The following TUBGCP5 variants were observed in gnomAD, a reference collection of about 807,000 sequenced individuals.
The protein encoded by TUBGCP5 is gamma-tubulin complex component 5.
In TUBGCP5, 98 loss-of-function variants were observed where a neutral mutation model predicts 134.7. The observed-to-expected ratio is 0.73, with a 90% confidence interval of 0.62 to 0.86. The LOEUF (loss-of-function observed/expected upper bound fraction) is 0.86. Among genes scored for constraint, TUBGCP5 ranks in the 40% least tolerant of loss-of-function variants. TUBGCP5 has a pLI of 0.00. For synonymous variants in TUBGCP5, 456 were observed against 431.4 expected, an observed-to-expected ratio of 1.06 and a Z score of -0.71; for missense variants, 1,150 against 1,244.8, an observed-to-expected ratio of 0.92 and a Z score of 1.15.
rs774369754 is a variant in TUBGCP5, at chr15:23,027,291, C to T, written c.638G>A (p.Arg213Gln). 1.9e-6 allele frequency: 3 copies of T among 1,613,646 alleles called. No homozygotes were observed. Among genetic ancestry groups the T allele is most frequent in the African/African-American group, 1.3e-5 (1 of 75,006 alleles). ...GACCACATGATGTTCCAGCCAGCTTCGGTCATCTGGCTCATCTGCTTGAAA... is the reference window on the plus strand; with the variant it reads ...GACCACATGATGTTCCAGCCAGCTTTGGTCATCTGGCTCATCTGCTTGAAA... ...CISWKDEPDD[R>Q]SWLEHHVVHQ... The change falls in exon 7 of 23, where the codon CGA becomes CAA. Residue 213 changes from arginine to glutamine, a missense_variant. Arg to Gln is a conservative substitution (Grantham distance 43, BLOSUM62 1). Transcript: ENST00000615383.
Position 23,024,134 on chromosome 15 carries a change from G to A in TUBGCP5, c.981C>T (p.Leu327=). The A allele has an allele frequency of 6.2e-7, 1 of 1,614,098 alleles. No individual in the cohort carries two copies. The highest frequency in any genetic ancestry group is 8.5e-7 in the Non-Finnish European group (1 of 1,180,030). Residue 327 remains leucine (L), a synonymous_variant, in exon 10 of 23, where the codon CTC becomes CTT. Transcript: ENST00000615383. ...CCATGACTTCATCAATGAACTCCTGGAGTCGAAACACAACCTGGCCATATG... is the reference window on the plus strand; with the variant it reads ...CCATGACTTCATCAATGAACTCCTGAAGTCGAAACACAACCTGGCCATATG... The part of the protein sequence containing the change: ...IAAYGQVVFR[L]QEFIDEVMGH...
At chr15:23,026,480 GC>G (rs1248115146) in intron 7 of TUBGCP5, among the ~76,000 whole-genome samples, 1 of 152,126 alleles carries the variant, frequency 6.6e-6, no homozygotes, top group African/African-American at 2.4e-5. Flanking sequence ...GTGTATTTTT[GC>G]AGTAAGTATA....
chr15:23,003,838 A>G (rs1247494965), intron 20 of TUBGCP5, among the ~76,000 whole-genome samples: 1 of 151,946 alleles, frequency 6.6e-6, no homozygotes, highest in Non-Finnish European at 1.5e-5. Context: ...CTTTTTGTAA[A>G]GACAGAGTCT....
intron 3 of TUBGCP5, among the ~76,000 whole-genome samples, chr15:23,035,991 G>A (rs1053935114): frequency 6.6e-6 from 1 of 152,210 alleles, no homozygotes; most frequent in Admixed American, 6.5e-5. Context: ...TGGAGACAGT[G>A]CCTGAGTTTA....
intron 4 of TUBGCP5, among the ~76,000 whole-genome samples, chr15:23,032,244 GTTTGTA>G (rs2066350016): frequency 2.0e-5 from 3 of 152,142 alleles, no homozygotes; most frequent in Non-Finnish European, 4.4e-5. Context: ...GCTGAAGGTA[GTTTGTA>G]AAGTTAGAAC....
rs750169596 is a variant in TUBGCP5 at position 23,006,177 on chromosome 15, G to T, written c.2413-5C>A. The T allele has an allele frequency of 1.9e-6, 3 of 1,607,310 alleles. No homozygotes were observed. Among genetic ancestry groups the T allele is most frequent in the Admixed American group, 1.7e-5 (1 of 58,130 alleles). ...AATGTCCACGGGCCATGGGACCTAT[G>T]AAACAAAAACAAAATTAGAAAGTAA... is the stretch of plus-strand genomic sequence containing the variant. On this transcript the variant is annotated splice_polypyrimidine_tract_variant and splice_region_variant and intron_variant, in intron 17 of 22. Coordinates refer to ENST00000615383, the MANE Select transcript of TUBGCP5 (RefSeq NM_052903.6).
intron 13 of TUBGCP5, among the ~76,000 whole-genome samples, chr15:23,017,170 A>G (rs2065385794): frequency 6.6e-6 from 1 of 151,794 alleles, no homozygotes; most frequent in African/African-American, 2.4e-5. Flanking sequence ...CAGATGCTGG[A>G]TTTTGTAGGG....
chr15:23,030,776 G>A, intron 6 of TUBGCP5, 109 bp downstream of exon 6: 1 of 1,346,796 alleles, frequency 7.4e-7, no homozygotes, highest in Non-Finnish European at 1.0e-6. Context: ...TTATAAGGAT[G>A]GTAGAGCTTA....
intron 23 of TUBGCP5, among the ~76,000 whole-genome samples, chr15:22,988,363 A>C (rs1461722600): frequency 1.3e-5 from 2 of 151,918 alleles, no homozygotes; most frequent in African/African-American, 4.8e-5. Context: ...TGAGCAGGTA[A>C]AGAATGGTGG....
intron 11 of TUBGCP5, among the ~76,000 whole-genome samples, chr15:23,020,336 G>A (rs1413028795): frequency 2.0e-5 from 3 of 152,034 alleles, no homozygotes; most frequent in African/African-American, 7.2e-5. Context: ...GAACCCAGGA[G>A]GCAGAGGTTG....
chr15:22,983,511 G>A (rs4778477), exon 24 of TUBGCP5: 30,717 of 152,118 alleles, frequency 0.2, 3,242 homozygotes, highest in African/African-American at 0.24. Context: ...CAAGGTGGGC[G>A]GATTGCTTGA....
rs1052756307 is a variant in TUBGCP5, at chr15:23,031,883, C to A, written c.486+67G>T. 1.4e-5 allele frequency: 17 copies of A among 1,255,752 alleles called. 1 individual carries two copies. Among genetic ancestry groups the A allele is most frequent in the Admixed American group, 4.0e-5 (2 of 50,044 alleles). The allele number at this position is 1,255,752 out of a possible 1,614,324, so 77.8% of individuals were successfully genotyped here. On this transcript the variant is annotated intron_variant, in intron 5 of 22. Coordinates refer to ENST00000615383, the MANE Select transcript of TUBGCP5 (RefSeq NM_052903.6). The stretch of plus-strand genomic sequence containing the variant: ...CTAAGTTGACCTAGGGTGGAAAGAC[C>A]CATGAAAATCATCTATATCACCTGG...
intron 4 of TUBGCP5, 70 bp downstream of exon 4, chr15:23,032,658 G>A: frequency 6.7e-6 from 7 of 1,051,656 alleles, no homozygotes; most frequent in Non-Finnish European, 9.5e-6. Flanking sequence ...ATAAAACTCA[G>A]TGTTTAGCAA....
At chr15:23,038,272 G>T (rs1161606140) in intron 1 of TUBGCP5, among the ~76,000 whole-genome samples, 1 of 149,754 alleles carries the variant, frequency 6.7e-6, no homozygotes, top group African/African-American at 2.4e-5. Flanking sequence ...GCCAGTAAAT[G>T]GGTGAATGGA....
At chr15:23,034,585 C>T (rs1193787848) in intron 3 of TUBGCP5, among the ~76,000 whole-genome samples, 3 of 152,170 alleles carry the variant, frequency 2.0e-5, no homozygotes, top group South Asian at 2.1e-4. Context: ...CAGAGCAGGC[C>T]GGGGTGGCTC....
chr15:23,006,105 A>C lies in TUBGCP5; in HGVS notation c.2480T>G (p.Leu827Arg). 2 of 1,612,544 alleles carry C rather than the reference A, an allele frequency of 1.2e-6. No homozygotes were observed. Among genetic ancestry groups the C allele is most frequent in the Non-Finnish European group, 1.7e-6 (2 of 1,179,628 alleles). Reference protein sequence around the residue: ...CQKIYNQVFLLLLQIKWAKYS... With the variant: ...CQKIYNQVFLRLLQIKWAKYS... ...TTTTGCCCACTTTATTTGCAATAAG[A>C]GAAGAAACACTTGATTATAAATTTT... The change falls in exon 18 of 23, where the codon CTC (leucine) becomes CGC (arginine). Residue 827 changes from leucine (L) to arginine (R), a missense_variant. Leu to Arg is a moderately radical substitution (Grantham distance 102). Coordinates refer to ENST00000615383, the MANE Select transcript of TUBGCP5 (RefSeq NM_052903.6).
At chr15:22,983,315 A>T (rs1376612245) in exon 24 of TUBGCP5, 2 of 150,996 alleles carry the variant, frequency 1.3e-5, no homozygotes, top group African/African-American at 4.9e-5. Context: ...GGTCAAAATT[A>T]TTTACAGTAG....
rs371326780 is a variant in TUBGCP5, at chr15:22,984,396, G to A, written c.*62-785C>T. Among the ~76,000 whole-genome samples the A allele has an allele frequency of 3.3e-5, 5 of 152,288 alleles. No individual in the cohort carries two copies. The East Asian group carries it at 9.6e-4, about 29-fold the overall frequency. ...GCACTTTGGGAGGCCAAGACGTGCA[G>A]ATCATCTGAGGTCAGGAGTTCGAGA... On this transcript the variant is annotated intron_variant and NMD_transcript_variant, in intron 23 of 23. Coordinates refer to the TUBGCP5 transcript ENST00000614508.
intron 15 of TUBGCP5, 133 bp from the exon 16 acceptor site, chr15:23,009,014 T>G: frequency 1.6e-6 from 1 of 629,712 alleles, no homozygotes; most frequent in Non-Finnish European, 2.6e-6. Flanking sequence ...ATTAGAAATA[T>G]TAACACCTCT....
Sources: allele counts gnomAD v4.1 joint callset (sites outside exome capture counted in the v4.1 genomes callset), GRCh38; gene constraint gnomAD v4.1.1; transcripts MANE v1.5; gene names NCBI Gene and HGNC (gene_info 2026-07-23, HGNC 2026-07-21).